Variants in MMP26 observed in about 807,000 individuals in gnomAD.
MMP26 encodes matrix metallopeptidase 26, also known as matrix metalloproteinase-26.
MMP26 carries 33 observed loss-of-function variants against 31.0 expected under a neutral mutation model. That is an observed-to-expected ratio of 1.06 (90% confidence interval 0.81 to 1.42). The LOEUF (loss-of-function observed/expected upper bound fraction) is 1.42, where lower values mean the gene tolerates loss of function less well. Among genes scored for constraint, MMP26 ranks in the 40% most tolerant of loss-of-function variants. The probability of loss-of-function intolerance (pLI) is 0.00; values close to 1 mark genes in which losing one functional copy is unlikely to be tolerated. For missense variants in MMP26, 347 were observed against 316.1 expected, an observed-to-expected ratio of 1.10 and a Z score of -0.74; for synonymous variants, 122 against 114.9, an observed-to-expected ratio of 1.06 and a Z score of -0.40.
At chr11:4,960,939 G>C (rs191806580) in intron 2 of MMP26, among the ~76,000 whole-genome samples, 10 of 152,184 alleles carry the variant, frequency 6.6e-5, no homozygotes, top group Non-Finnish European at 1.3e-4. Flanking sequence ...TACATAAAAA[G>C]ATAAGTCAAA....
At chr11:4,921,994 G>A (rs555702155) in intron 2 of MMP26, among the ~76,000 whole-genome samples, 17 of 152,042 alleles carry the variant, frequency 1.1e-4, no homozygotes, top group Non-Finnish European at 2.4e-4. Flanking sequence ...ATGCCTTACT[G>A]CCCTCCCATT....
At chr11:4,943,372 G>A (rs1564811668) in intron 2 of MMP26, 2 of 377,744 alleles carry the variant, frequency 5.3e-6, no homozygotes, top group Non-Finnish European at 1.1e-5. Context: ...TTTCCTTTCT[G>A]AGGAACTTCT....
intron 2 of MMP26, among the ~76,000 whole-genome samples, chr11:4,791,853 C>T (rs544318932): frequency 1.3e-4 from 19 of 151,948 alleles, no homozygotes; most frequent in East Asian, 1.9e-4. Flanking sequence ...CACTTCACCC[C>T]GAGTCCTTCC....
At position 4,761,903 on chromosome 11, in the gene MMP26, C is replaced by T. The variant is rs977616914; in HGVS notation, c.-216-5367C>T. 3.8e-4 allele frequency among the ~76,000 whole-genome samples: 58 copies of T among 151,868 alleles called. 1 individual carries two copies. The highest frequency in any genetic ancestry group is 1.4e-3 in the African/African-American group (57 of 41,338). On this transcript the variant is annotated intron_variant, in intron 1 of 7. Coordinates refer to ENST00000380390, the MANE Select transcript of MMP26 (RefSeq NM_021801.5). The stretch of plus-strand genomic sequence containing the variant: ...GAAGCAAGCTGCAATATAGAATGAT[C>T]AAGTCAAGGGCTCCATGGGAACTGA...
intron 2 of MMP26, among the ~76,000 whole-genome samples, chr11:4,933,527 G>T (rs1213174975): frequency 8.9e-5 from 13 of 146,404 alleles, no homozygotes; most frequent in Non-Finnish European, 1.6e-4. Context: ...TATTTTTTTT[G>T]TTTTTTTTTT....
intron 2 of MMP26, among the ~76,000 whole-genome samples, chr11:4,806,578 A>C (rs978520668): frequency 6.6e-6 from 1 of 151,896 alleles, no homozygotes; most frequent in Non-Finnish European, 1.5e-5. Context: ...TTGCTTGGTA[A>C]ATCTTCCTCC....
chr11:4,723,281 G>C, intron 1 of MMP26: 1 of 1,044,232 alleles, frequency 9.6e-7, no homozygotes, highest in Non-Finnish European at 1.5e-6. Flanking sequence ...AGTCTTGTGC[G>C]CTGCGGGTCA....
At chr11:4,850,714 A>G (rs1849963434) in intron 2 of MMP26, among the ~76,000 whole-genome samples, 1 of 151,886 alleles carries the variant, frequency 6.6e-6, no homozygotes, top group African/African-American at 2.4e-5. Context: ...ATAAAATATT[A>G]TGTTAAAATT....
At chr11:4,871,494 T>C (rs1850309862) in intron 2 of MMP26, among the ~76,000 whole-genome samples, 1 of 152,118 alleles carries the variant, frequency 6.6e-6, no homozygotes, top group Admixed American at 6.6e-5. Flanking sequence ...TTGGATGGGT[T>C]GCTACCATAG....
intron 1 of MMP26, chr11:4,723,134 G>C (rs1163314998): frequency 3.1e-6 from 5 of 1,592,508 alleles, no homozygotes; most frequent in African/African-American, 2.7e-5. Context: ...GGACAGCTTG[G>C]AGTTGGCATC....
At chr11:4,894,848 T>C (rs925392844) in intron 2 of MMP26, among the ~76,000 whole-genome samples, 1 of 152,224 alleles carries the variant, frequency 6.6e-6, no homozygotes, top group African/African-American at 2.4e-5. Flanking sequence ...TGCTAGATTA[T>C]TTTTATATTC....
intron 2 of MMP26, chr11:4,937,756 T>C (rs774261432): frequency 5.8e-6 from 1 of 173,804 alleles, no homozygotes; most frequent in Non-Finnish European, 1.2e-5. Context: ...GTGGAGACAA[T>C]AGGAGTGGGA....
chr11:4,775,858 T>C (rs1365904418), intron 2 of MMP26, among the ~76,000 whole-genome samples: 2 of 152,146 alleles, frequency 1.3e-5, no homozygotes, highest in Non-Finnish European at 2.9e-5. Flanking sequence ...ATATATTGTA[T>C]AGTGGTGAAG....
chr11:4,959,552 T>G (rs2133619458), intron 2 of MMP26, among the ~76,000 whole-genome samples: 1 of 152,296 alleles, frequency 6.6e-6, no homozygotes, highest in South Asian at 2.1e-4. Flanking sequence ...TTAAGTCCTC[T>G]GTTGCACGGG....
chr11:4,940,741 A>G (rs1846195051), intron 2 of MMP26, among the ~76,000 whole-genome samples: 1 of 152,204 alleles, frequency 6.6e-6, no homozygotes, highest in African/African-American at 2.4e-5. Context: ...TTGGCAGAGA[A>G]AACTGCATGT....
At chr11:4,777,569 G>T (rs1464836494) in intron 2 of MMP26, among the ~76,000 whole-genome samples, 1 of 152,014 alleles carries the variant, frequency 6.6e-6, no homozygotes, top group Non-Finnish European at 1.5e-5. Flanking sequence ...TCCAGATAAA[G>T]AAATGAAAAA....
chr11:4,906,374 TA>T lies in MMP26; in HGVS notation c.-144-81693del, dbSNP rs574973802. 1.4e-3 allele frequency among the ~76,000 whole-genome samples: 217 copies of T among 152,322 alleles called. 1 individual carries two copies. The highest frequency in any genetic ancestry group is 4.9e-3 in the African/African-American group (203 of 41,584). On this transcript the variant is annotated intron_variant, in intron 2 of 7. Coordinates refer to ENST00000380390, the MANE Select transcript of MMP26 (RefSeq NM_021801.5). ...AAACCTACCAAGATTGTATTCATTT[TA>T]CAGATTTAAAATAACGCCCAAATAA... is the stretch of plus-strand genomic sequence containing the variant.
chr11:4,936,773 T>C (rs1846119215), intron 2 of MMP26, among the ~76,000 whole-genome samples: 1 of 152,136 alleles, frequency 6.6e-6, no homozygotes, highest in African/African-American at 2.4e-5. Flanking sequence ...AATGGAGATA[T>C]GGTCATTTGG....
chr11:4,990,825 C>A (rs773567096), intron 5 of MMP26, 79 bp downstream of exon 5: 17 of 1,415,200 alleles, frequency 1.2e-5, no homozygotes, highest in Non-Finnish European at 1.5e-5. Context: ...AAACAAAAAC[C>A]TAGCCCCCCT....
Sources: gnomAD v4.1 joint callset for allele counts (sites outside exome capture counted in the v4.1 genomes callset) on GRCh38, gnomAD v4.1.1 for gene constraint, MANE v1.5 for transcripts, NCBI Gene and HGNC (gene_info 2026-07-23, HGNC 2026-07-21) for gene names.